Variants in CTNNBL1 observed in about 807,000 individuals in gnomAD.
The protein encoded by CTNNBL1 is catenin beta like 1.
Under a neutral mutation model 72.7 loss-of-function variants are expected in CTNNBL1, and 31 were observed. The observed-to-expected ratio is 0.43, with a 90% CI of 0.32 to 0.58. The LOEUF is 0.58. Among genes scored for constraint, CTNNBL1 ranks in the 20% least tolerant of loss-of-function variants. The pLI is 0.08. For missense variants in CTNNBL1, 534 were observed against 725.1 expected (o/e 0.74, Z 3.03); for synonymous variants, 240 against 267.3 (o/e 0.90, Z 1.00).
chr20:37,812,589 G>A (rs1438347893), intron 11 of CTNNBL1, among the ~76,000 whole-genome samples: 2 of 152,208 alleles, frequency 1.3e-5, no homozygotes, highest in Admixed American at 6.5e-5. Context: ...CTTGCAGAGG[G>A]TCTATTTCTA....
intron 1 of CTNNBL1, among the ~76,000 whole-genome samples, chr20:37,720,813 A>G (rs558129163): frequency 6.6e-6 from 1 of 152,180 alleles, no homozygotes; most frequent in African/African-American, 2.4e-5. Flanking sequence ...GTGCTGAGAT[A>G]TTTGTTAGAA....
At chr20:37,852,504 T>C (rs976000141) in intron 13 of CTNNBL1, among the ~76,000 whole-genome samples, 4 of 152,208 alleles carry the variant, frequency 2.6e-5, no homozygotes, top group African/African-American at 4.8e-5. Flanking sequence ...GCATTTCTCA[T>C]AGTGGCTCCT....
chr20:37,830,374 C>T (rs1394970572), intron 11 of CTNNBL1, among the ~76,000 whole-genome samples: 1 of 152,128 alleles, frequency 6.6e-6, no homozygotes, highest in South Asian at 2.1e-4. Context: ...TTCCTAAAAG[C>T]CTCCTCCTGT....
intron 13 of CTNNBL1, among the ~76,000 whole-genome samples, chr20:37,857,579 G>T (rs1286680808): frequency 6.6e-6 from 1 of 152,100 alleles, no homozygotes; most frequent in Non-Finnish European, 1.5e-5. Flanking sequence ...GTTGCTACAG[G>T]CTGGCCCCCT....
At chr20:37,774,129 G>A (rs2122682341) in intron 7 of CTNNBL1, among the ~76,000 whole-genome samples, 1 of 151,990 alleles carries the variant, frequency 6.6e-6, no homozygotes, top group East Asian at 1.9e-4. Flanking sequence ...GCCCAGGCTG[G>A]TCTTGAACTC....
At chr20:37,758,478 G>C (rs2073384891) in intron 5 of CTNNBL1, among the ~76,000 whole-genome samples, 2 of 152,356 alleles carry the variant, frequency 1.3e-5, no homozygotes, top group South Asian at 4.1e-4. Context: ...AGCCCGTCCT[G>C]TGACAGCTGA....
At chr20:37,791,051 T>C (rs550472979) in intron 10 of CTNNBL1, among the ~76,000 whole-genome samples, 48 of 152,368 alleles carry the variant, frequency 3.2e-4, no homozygotes, top group Admixed American at 2.8e-3. Flanking sequence ...TCACTCACTG[T>C]AATTATTTTG....
chr20:37,815,071 CTGTGAG>C (rs1189147680), intron 11 of CTNNBL1, among the ~76,000 whole-genome samples: 5 of 74,670 alleles, frequency 6.7e-5, no homozygotes, highest in African/African-American at 2.5e-4. Context: ...GTTAGGGACT[CTGTGAG>C]TGTGTGTGTG....
intron 11 of CTNNBL1, among the ~76,000 whole-genome samples, chr20:37,833,772 G>A (rs1000834463): frequency 6.6e-6 from 1 of 152,132 alleles, no homozygotes; most frequent in Admixed American, 6.5e-5. Context: ...CTGTTATCTT[G>A]CCTGCTCCCT....
intron 10 of CTNNBL1, among the ~76,000 whole-genome samples, chr20:37,789,174 G>A (rs192912019): frequency 3.3e-5 from 5 of 152,280 alleles, no homozygotes; most frequent in Admixed American, 3.3e-4. Context: ...GAAAAGATGA[G>A]GTAAGGGTGG....
At chr20:37,840,256 C>T (rs2072292785) in intron 12 of CTNNBL1, 57 bp downstream of exon 12, 2 of 1,251,038 alleles carry the variant, frequency 1.6e-6, no homozygotes, top group African/African-American at 1.5e-5. Flanking sequence ...GGCTCTTTAC[C>T]TGATGTGATC....
intron 7 of CTNNBL1, among the ~76,000 whole-genome samples, chr20:37,777,082 A>G (rs925654557): frequency 2.0e-5 from 3 of 152,186 alleles, no homozygotes; most frequent in Admixed American, 6.5e-5. Flanking sequence ...TCTGGACTCA[A>G]AATGGGAAAT....
At chr20:37,768,657 G>A (rs1396429269) in intron 7 of CTNNBL1, among the ~76,000 whole-genome samples, 1 of 152,312 alleles carries the variant, frequency 6.6e-6, no homozygotes, top group East Asian at 1.9e-4. Context: ...GTACTAAAAG[G>A]TATTTTGAGA....
At chr20:37,778,962 G>T (rs756804230) in intron 9 of CTNNBL1, among the ~76,000 whole-genome samples, 21 of 151,614 alleles carry the variant, frequency 1.4e-4, no homozygotes, top group Non-Finnish European at 2.9e-4. Flanking sequence ...ATTACTGATG[G>T]ACCCAGTGGT....
Position 37,860,254 on chromosome 20 carries a change from C to G in CTNNBL1, c.1531-18C>G. 6.2e-7 allele frequency: 1 copy of G among 1,609,446 alleles called. No individual in the cohort carries two copies. The highest frequency in any genetic ancestry group is 8.5e-7 in the Non-Finnish European group (1 of 1,175,774). On this transcript the variant is annotated intron_variant, in intron 14 of 15. Coordinates refer to ENST00000361383, the MANE Select transcript of CTNNBL1 (RefSeq NM_030877.5). ...AAATGGTTGTCTTTCTTTCTCTACC[C>G]ATTTTTTCCCTTATTAGATTCGCCA...
chr20:37,694,530 G>A (rs2072772722), intron 1 of CTNNBL1, among the ~76,000 whole-genome samples: 1 of 152,136 alleles, frequency 6.6e-6, no homozygotes, highest in Non-Finnish European at 1.5e-5. Flanking sequence ...TTGATCTCCA[G>A]CTTCTCCACT....
At chr20:37,808,318 C>T (rs895688970) in intron 11 of CTNNBL1, among the ~76,000 whole-genome samples, 2 of 152,160 alleles carry the variant, frequency 1.3e-5, no homozygotes, top group East Asian at 1.9e-4. Flanking sequence ...GCTCCCACGC[C>T]GCCTCCTAGG....
At position 37,718,267 on chromosome 20, in the gene CTNNBL1, T is replaced by C. The variant is rs866901088; in HGVS notation, c.31-14612T>C. The stretch of plus-strand genomic sequence containing the variant: ...CCCCCCACCTCCCTCCCGGACGGGG[T>C]GGCTGGCCGGGCGGGGGGCTGACCC... On this transcript the variant is annotated intron_variant, in intron 1 of 15. Coordinates refer to ENST00000361383, the MANE Select transcript of CTNNBL1 (RefSeq NM_030877.5). Among the ~76,000 whole-genome samples, 31 of 109,992 alleles carry C rather than the reference T, an allele frequency of 2.8e-4. No homozygotes were observed. In the South Asian group the frequency reaches 5.7e-3, roughly 20 times the overall value. The allele number at this position is 109,992 out of a possible 152,430, so 72.2% of individuals were successfully genotyped here. A position where few individuals can be genotyped will look rare whatever the true frequency, so the allele number is the denominator to read the frequency against.
rs987334512 is a variant in CTNNBL1 at position 37,694,064 on chromosome 20, A to G, written c.-59A>G. ...GGCAGTGTGGCTGGAGCCGCGGCTG[A>G]CGGGCCCGCGGTCTGGGCGTGAGTG... On this transcript the variant is annotated 5_prime_UTR_variant, in exon 1 of 16. Transcript: ENST00000361383. 7.0e-6 allele frequency: 11 copies of G among 1,573,570 alleles called. No individual in the cohort carries two copies. In the Admixed American group the frequency reaches 9.3e-5, roughly 13 times the overall value.
Sources: allele counts gnomAD v4.1 joint callset (sites outside exome capture counted in the v4.1 genomes callset), GRCh38; gene constraint gnomAD v4.1.1; transcripts MANE v1.5; gene names NCBI Gene and HGNC (gene_info 2026-07-23, HGNC 2026-07-21).